The following DLG2 variants were observed in gnomAD, a reference collection of about 807,000 sequenced individuals.
DLG2 encodes the protein discs large MAGUK scaffold protein 2.
DLG2 carries 45 observed loss-of-function variants against 132.5 expected under a neutral mutation model. The observed-to-expected ratio is 0.34, with a 90% CI of 0.27 to 0.44. DLG2 has a LOEUF of 0.44. DLG2 is among the 20% of genes least tolerant of loss of function. DLG2 has a pLI of 1.00. For missense variants in DLG2, 1,045 were observed against 1,196.9 expected, an observed-to-expected ratio of 0.87 and a Z score of 1.87; for synonymous variants, 424 against 419.6, an observed-to-expected ratio of 1.01 and a Z score of -0.13.
chr11:85,293,710 T>C (rs1019791228), intron 3 of DLG2, among the ~76,000 whole-genome samples: 1 of 152,156 alleles, frequency 6.6e-6, no homozygotes, highest in Non-Finnish European at 1.5e-5. Flanking sequence ...AACTTAGATC[T>C]TGGACTGAGG....
chr11:85,001,428 A>G (rs1229108566), intron 6 of DLG2, among the ~76,000 whole-genome samples: 1 of 152,172 alleles, frequency 6.6e-6, no homozygotes, highest in Admixed American at 6.6e-5. Context: ...AGAATGAGGT[A>G]AGCAATTGTT....
At chr11:84,261,792 C>T (rs1194990059) in intron 7 of DLG2, among the ~76,000 whole-genome samples, 1 of 152,052 alleles carries the variant, frequency 6.6e-6, no homozygotes, top group Non-Finnish European at 1.5e-5. Flanking sequence ...GATTTTTAGA[C>T]CTATTGGACT....
intron 21 of DLG2, among the ~76,000 whole-genome samples, chr11:83,486,810 A>C (rs1226341175): frequency 6.6e-6 from 1 of 152,088 alleles, no homozygotes; most frequent in African/African-American, 2.4e-5. Flanking sequence ...AAAAAAACCA[A>C]ATCACAATTT....
chr11:84,138,948 C>CAAAAAAA (rs5793107), intron 9 of DLG2, among the ~76,000 whole-genome samples: 2 of 92,042 alleles, frequency 2.2e-5, no homozygotes, highest in African/African-American at 3.9e-5. Flanking sequence ...GACTCCATCT[C>CAAAAAAA]AAAAAAAAAA....
intron 6 of DLG2, among the ~76,000 whole-genome samples, chr11:84,855,934 G>C (rs1259999789): frequency 6.6e-6 from 1 of 152,046 alleles, no homozygotes; most frequent in Non-Finnish European, 1.5e-5. Context: ...AGTTGGAACA[G>C]AGGCTAGCGA....
At chr11:84,376,688 A>G (rs1002572554) in intron 7 of DLG2, among the ~76,000 whole-genome samples, 64 of 151,812 alleles carry the variant, frequency 4.2e-4, no homozygotes, top group African/African-American at 1.5e-3. Context: ...TCACATTATA[A>G]AAGCCAAAAA....
chr11:84,412,431 G>A (rs753336101), intron 7 of DLG2, among the ~76,000 whole-genome samples: 4 of 152,142 alleles, frequency 2.6e-5, no homozygotes, highest in Admixed American at 6.5e-5. Context: ...AGGAGTGTGC[G>A]AACCCAAGTT....
chr11:85,295,413 C>G (rs2079153478), intron 3 of DLG2, among the ~76,000 whole-genome samples: 1 of 152,114 alleles, frequency 6.6e-6, no homozygotes, highest in Non-Finnish European at 1.5e-5. Flanking sequence ...CATGCATAAA[C>G]TCCATGTGTT....
At chr11:85,011,005 T>C (rs764353022) in intron 6 of DLG2, among the ~76,000 whole-genome samples, 22 of 152,174 alleles carry the variant, frequency 1.4e-4, no homozygotes, top group Non-Finnish European at 2.2e-4. Flanking sequence ...AAGAAAGAGA[T>C]TCATTATATA....
chr11:83,857,230 T>C (rs183255430), intron 16 of DLG2, among the ~76,000 whole-genome samples: 14 of 152,336 alleles, frequency 9.2e-5, no homozygotes, highest in Middle Eastern at 3.4e-3. Flanking sequence ...CCCTGTAATA[T>C]AGTTTGAAGT....
intron 7 of DLG2, among the ~76,000 whole-genome samples, chr11:84,383,020 T>C (rs1226827950): frequency 6.6e-6 from 1 of 152,006 alleles, no homozygotes; most frequent in Non-Finnish European, 1.5e-5. Flanking sequence ...GCTGCCAGAA[T>C]AGCATTTGTA....
intron 6 of DLG2, among the ~76,000 whole-genome samples, chr11:84,755,000 A>G (rs1300491869): frequency 2.0e-5 from 3 of 152,264 alleles, no homozygotes; most frequent in African/African-American, 7.2e-5. Context: ...GATAATTCAT[A>G]GGATGTTATG....
intron 7 of DLG2, among the ~76,000 whole-genome samples, chr11:84,507,642 T>G (rs1054446015): frequency 6.6e-6 from 1 of 152,188 alleles, no homozygotes; most frequent in South Asian, 2.1e-4. Flanking sequence ...TGAGTTATAT[T>G]CCTTTGATGC....
At chr11:83,996,456 C>T (rs1033884719) in intron 11 of DLG2, among the ~76,000 whole-genome samples, 2 of 152,164 alleles carry the variant, frequency 1.3e-5, no homozygotes, top group African/African-American at 2.4e-5. Flanking sequence ...TATGATTCAG[C>T]GATCCTACTT....
chr11:83,684,037 C>T (rs1177606682), intron 18 of DLG2, among the ~76,000 whole-genome samples: 2 of 152,102 alleles, frequency 1.3e-5, no homozygotes, highest in African/African-American at 4.8e-5. Flanking sequence ...TGGCTTCTCT[C>T]ACCCTTTTCA....
intron 4 of DLG2, among the ~76,000 whole-genome samples, chr11:85,257,898 T>G (rs1423569294): frequency 6.6e-6 from 1 of 152,172 alleles, no homozygotes; most frequent in Non-Finnish European, 1.5e-5. Context: ...TGAGAGGTTA[T>G]GAAATTTACC....
chr11:84,240,281 C>T (rs1168470542), intron 8 of DLG2, among the ~76,000 whole-genome samples: 2 of 152,208 alleles, frequency 1.3e-5, no homozygotes, highest in African/African-American at 4.8e-5. Context: ...CATAGACATT[C>T]TAGCTCTGGA....
chr11:83,659,540 G>A (rs969544380), intron 18 of DLG2, among the ~76,000 whole-genome samples: 20 of 152,316 alleles, frequency 1.3e-4, no homozygotes, highest in African/African-American at 4.8e-4. Flanking sequence ...AGGCCAATAG[G>A]TTTGGCCTGT....
chr11:84,264,872 G>T (rs2097594776), intron 7 of DLG2, among the ~76,000 whole-genome samples: 1 of 152,150 alleles, frequency 6.6e-6, no homozygotes, highest in African/African-American at 2.4e-5. Flanking sequence ...AGCAGACGAG[G>T]CTTCTAGGAC....
Sources: gnomAD v4.1 joint callset for allele counts (sites outside exome capture counted in the v4.1 genomes callset) on GRCh38, gnomAD v4.1.1 for gene constraint, MANE v1.5 for transcripts, NCBI Gene and HGNC (gene_info 2026-07-23, HGNC 2026-07-21) for gene names.